ZNF469: variants seen among roughly 807,000 people sequenced by gnomAD.
ZNF469 encodes the protein zinc finger protein 469.
In ZNF469, 1 loss-of-function variant was observed where a neutral mutation model predicts 1.0. That is an observed-to-expected ratio of 1.00 (90% CI 0.35 to 4.73). ZNF469 has a LOEUF of 4.73. ZNF469 is among the 30% of genes most tolerant of loss of function. ZNF469 has a pLI of 0.16. For missense variants in ZNF469, 6,100 were observed against 5,356.3 expected (o/e 1.14, Z -4.33); for synonymous variants, 2,703 against 2,363.4 (o/e 1.14, Z -4.17).
rs1466131070 is a variant in ZNF469, at chr16:88,428,296, C to A, written c.826C>A (p.Pro276Thr). The A allele has an allele frequency of 6.5e-7, 1 of 1,550,382 alleles. No homozygotes were observed. The change falls in exon 3 of 3, where the codon CCC (proline) becomes ACC (threonine). Residue 276 changes from proline (P) to threonine (T), a missense_variant. Physicochemically the swap from Pro to Thr is conservative, Grantham distance 38. Coordinates refer to ENST00000565624, the MANE Select transcript of ZNF469 (RefSeq NM_001367624.2). ...CCCCAGGGGAGTTTCCTTCCAGTTCCCCTTCCCGGCACTGCATGGGGCCAG... is the reference window on the plus strand; with the variant it reads ...CCCCAGGGGAGTTTCCTTCCAGTTCACCTTCCCGGCACTGCATGGGGCCAG... ...GSPRGVSFQF[P>T]FPALHGASTK...
Position 88,428,279 on chromosome 16 carries a change from G to A in ZNF469, c.809G>A (p.Gly270Glu), listed in dbSNP as rs1252356082. 3.9e-6 allele frequency: 6 copies of A among 1,550,378 alleles called. No individual in the cohort carries two copies. The highest frequency in any genetic ancestry group is 5.2e-6 in the Non-Finnish European group (6 of 1,146,942). ...AGCAGGCCCGGCGGCAGCCCCAGGG[G>A]AGTTTCCTTCCAGTTCCCCTTCCCG... ...KGSRPGGSPR[G>E]VSFQFPFPAL... The change falls in exon 3 of 3, where the codon GGA becomes GAA. Residue 270 changes from glycine (G) to glutamate (E), a missense_variant. By Grantham distance (98) the Gly-to-Glu change is moderately conservative (BLOSUM62 -2). Coordinates refer to ENST00000565624, the MANE Select transcript of ZNF469 (RefSeq NM_001367624.2).
chr16:88,157,447 G>A, the ZNF469 span, among the ~76,000 whole-genome samples: 7 of 152,096 alleles, frequency 4.6e-5, no homozygotes, highest in Non-Finnish European at 8.8e-5. Flanking sequence ...AGTTCGAGCT[G>A]TGTCCTGGTG....
the ZNF469 span, among the ~76,000 whole-genome samples, chr16:88,335,451 G>A: frequency 1.6e-3 from 248 of 152,322 alleles, 1 homozygote; most frequent in African/African-American, 5.7e-3. Flanking sequence ...GTGCCATGGC[G>A]AGACAGCTGG....
chr16:88,327,940 C>T, the ZNF469 span, among the ~76,000 whole-genome samples: 5 of 152,234 alleles, frequency 3.3e-5, no homozygotes, highest in African/African-American at 7.2e-5. Flanking sequence ...CTTTCACGGC[C>T]GGGCTCCATC....
rs1037506659 is a variant in ZNF469 at position 88,437,165 on chromosome 16, C to T, written c.9695C>T (p.Thr3232Met). 11 of 1,549,242 alleles carry T rather than the reference C, an allele frequency of 7.1e-6. No homozygotes were observed. Among genetic ancestry groups the T allele is most frequent in the East Asian group, 4.9e-5 (2 of 40,916 alleles). The change falls in exon 3 of 3, where the codon ACG becomes ATG. Residue 3232 changes from threonine to methionine, a missense_variant. Transcript: ENST00000565624. ...GTCGCCCACCTTCTGAACAGCATCA[C>T]GGAACCCGCGCCCAAACACCACAGG... is the stretch of plus-strand genomic sequence containing the variant. ...SAVAHLLNSI[T>M]EPAPKHHRGK...
chr16:88,103,215 T>TGG, the ZNF469 span, among the ~76,000 whole-genome samples: 1 of 151,730 alleles, frequency 6.6e-6, no homozygotes, highest in African/African-American at 2.4e-5. Flanking sequence ...AACACTGGCA[T>TGG]GGCCTCTCGC....
the ZNF469 span, among the ~76,000 whole-genome samples, chr16:88,289,130 C>T: frequency 2.0e-4 from 29 of 142,512 alleles, no homozygotes; most frequent in African/African-American, 5.3e-4. Context: ...ATGGTGATGA[C>T]GGTGGTGTTG....
chr16:88,319,694 G>A, the ZNF469 span, among the ~76,000 whole-genome samples: 32,870 of 152,148 alleles, frequency 0.22, 4,324 homozygotes, highest in Middle Eastern at 0.32. Flanking sequence ...GTGCAAACTC[G>A]ACGCCTTGGG....
chr16:88,298,754 G>C, the ZNF469 span, among the ~76,000 whole-genome samples: 1 of 152,082 alleles, frequency 6.6e-6, no homozygotes, highest in African/African-American at 2.4e-5. Context: ...GGCACCTCCC[G>C]AGACAGGAGC....
chr16:88,378,399 C>T (rs1370961722), upstream of ZNF469, among the ~76,000 whole-genome samples: 2 of 152,206 alleles, frequency 1.3e-5, no homozygotes, highest in African/African-American at 2.4e-5. Flanking sequence ...CCAGGTCGCA[C>T]GTTCTTGGAG....
chr16:88,254,565 C>A, the ZNF469 span, among the ~76,000 whole-genome samples: 1 of 152,042 alleles, frequency 6.6e-6, no homozygotes, highest in Admixed American at 6.6e-5. Flanking sequence ...CAAGAGTAGC[C>A]TGGCCAATAT....
chr16:88,328,198 A>G, the ZNF469 span, among the ~76,000 whole-genome samples: 21,501 of 152,272 alleles, frequency 0.14, 1,514 homozygotes, highest in South Asian at 0.21. Flanking sequence ...ACGCTATGTC[A>G]TGGGCCAGGC....
At chr16:88,283,685 G>A in the ZNF469 span, among the ~76,000 whole-genome samples, 552 of 152,324 alleles carry the variant, frequency 3.6e-3, 5 homozygotes, top group African/African-American at 0.013. Context: ...GAGTTGGAGC[G>A]GATTCTTAGG....
the ZNF469 span, among the ~76,000 whole-genome samples, chr16:88,208,803 A>ACACTCTCT: frequency 8.1e-6 from 1 of 123,564 alleles, no homozygotes; most frequent in African/African-American, 3.1e-5. Flanking sequence ...ACACACACAC[A>ACACTCTCT]CTCTCTCTCT....
At chr16:88,257,220 T>C in the ZNF469 span, among the ~76,000 whole-genome samples, 1 of 151,426 alleles carries the variant, frequency 6.6e-6, no homozygotes. Flanking sequence ...TGCCTTGGCA[T>C]CCCAAAGTGC....
rs1389677828 is a variant in ZNF469, at chr16:88,433,401, G to A, written c.5931G>A (p.Leu1977=). 6.5e-7 allele frequency: 1 copy of A among 1,550,370 alleles called. No homozygotes were observed. The highest frequency in any genetic ancestry group is 1.4e-5 in the African/African-American group (1 of 73,172). Residue 1977 remains leucine, a synonymous_variant, in exon 3 of 3, where the codon CTG becomes CTA. Coordinates refer to ENST00000565624, the MANE Select transcript of ZNF469 (RefSeq NM_001367624.2). The part of the protein sequence containing the change: ...LPAVAGHQLG[L]EADGHWGLLG... ...CAGTGGCCGGACATCAGCTGGGGCT[G>A]GAGGCAGATGGACATTGGGGCTTGC...
At chr16:88,145,456 C>G in the ZNF469 span, among the ~76,000 whole-genome samples, 1 of 152,234 alleles carries the variant, frequency 6.6e-6, no homozygotes, top group African/African-American at 2.4e-5. Context: ...GCTTTGCCAT[C>G]CAGCCCCTGC....
At chr16:88,263,211 G>C in the ZNF469 span, among the ~76,000 whole-genome samples, 8 of 152,210 alleles carry the variant, frequency 5.3e-5, no homozygotes, top group African/African-American at 1.4e-4. Flanking sequence ...CGTCTCCACG[G>C]CGTCCAGCGA....
chr16:88,216,546 T>G, the ZNF469 span, among the ~76,000 whole-genome samples: 2 of 152,242 alleles, frequency 1.3e-5, no homozygotes, highest in East Asian at 3.9e-4. Flanking sequence ...CCTTAATTTC[T>G]ATTGAGAAGT....
Sources: allele counts gnomAD v4.1 joint callset (sites outside exome capture counted in the v4.1 genomes callset), GRCh38; gene constraint gnomAD v4.1.1; transcripts MANE v1.5; gene names NCBI Gene and HGNC (gene_info 2026-07-23, HGNC 2026-07-21).